Variants in CEP83 observed in about 807,000 individuals in gnomAD.
The protein encoded by CEP83 is centrosomal protein of 83 kDa.
CEP83 carries 70 observed loss-of-function variants against 101.9 expected under a neutral mutation model. The observed-to-expected ratio is 0.69, with a 90% CI of 0.57 to 0.84. The LOEUF (loss-of-function observed/expected upper bound fraction) is 0.84, where lower values mean the gene tolerates loss of function less well. Among genes scored for constraint, CEP83 ranks in the 40% least tolerant of loss-of-function variants. The probability of loss-of-function intolerance (pLI) is 0.00; values close to 1 mark genes in which losing one functional copy is unlikely to be tolerated. For synonymous variants in CEP83, 264 were observed against 267.9 expected (o/e 0.99, Z 0.14); for missense variants, 715 against 787.2 (o/e 0.91, Z 1.10).
chr12:94,324,424 ATTCC>A (rs2058881360), intron 14 of CEP83, among the ~76,000 whole-genome samples: 1 of 152,186 alleles, frequency 6.6e-6, no homozygotes, highest in Middle Eastern at 3.2e-3. Context: ...TTTTTATACT[ATTCC>A]TTTTGTTTTA....
At chr12:94,302,246 A>T (rs1417121079), downstream of CEP83, among the ~76,000 whole-genome samples, 1 of 151,886 alleles carries the variant, frequency 6.6e-6, no homozygotes, top group Non-Finnish European at 1.5e-5. Flanking sequence ...CCACATACCC[A>T]CTGTGCTACA....
chr12:94,313,251 T>G (rs1011571941), intron 14 of CEP83: 2 of 275,618 alleles, frequency 7.3e-6, no homozygotes, highest in Non-Finnish European at 1.3e-5. Context: ...ACAAAAAAAC[T>G]GTTATCAATA....
downstream of CEP83, chr12:94,306,404 C>CATT (rs1969023224): frequency 6.6e-6 from 1 of 152,110 alleles, no homozygotes; most frequent in Non-Finnish European, 1.5e-5. Flanking sequence ...TTAAAATACC[C>CATT]ATTTTATTCA....
intron 14 of CEP83, among the ~76,000 whole-genome samples, chr12:94,315,874 T>A (rs1168725314): frequency 6.6e-6 from 1 of 152,162 alleles, no homozygotes; most frequent in Non-Finnish European, 1.5e-5. Flanking sequence ...TGCCTGTTTA[T>A]CCTTATGCCA....
chr12:94,305,453 C>T, downstream of CEP83: 1 of 583,478 alleles, frequency 1.7e-6, no homozygotes, highest in Non-Finnish European at 3.1e-6. Flanking sequence ...GAAAGCATAC[C>T]AACCCTTGTG....
chr12:94,349,311 GTT>G (rs1692644455), intron 11 of CEP83, among the ~76,000 whole-genome samples: 2 of 148,390 alleles, frequency 1.3e-5, no homozygotes, highest in Admixed American at 1.3e-4. Flanking sequence ...AAGAAAAAAA[GTT>G]TGTAGAATCC....
chr12:94,412,834 G>A (rs1178382611), intron 2 of CEP83, among the ~76,000 whole-genome samples: 5 of 150,500 alleles, frequency 3.3e-5, no homozygotes, highest in Admixed American at 6.6e-5. Flanking sequence ...GATTACAGGC[G>A]CCTGCCACCA....
At chr12:94,436,900 AAG>A (rs1303874131) in intron 1 of CEP83, among the ~76,000 whole-genome samples, 1 of 152,012 alleles carries the variant, frequency 6.6e-6, no homozygotes, top group East Asian at 1.9e-4. Context: ...AAAATGAATA[AAG>A]CCTCCAAGAA....
chr12:94,298,233 A>C, the CEP83 span, among the ~76,000 whole-genome samples: 1 of 152,250 alleles, frequency 6.6e-6, no homozygotes, highest in African/African-American at 2.4e-5. Flanking sequence ...AAATATATGC[A>C]ACAGGAAAAA....
intron 11 of CEP83, among the ~76,000 whole-genome samples, chr12:94,366,717 G>T (rs1303136542): frequency 3.9e-5 from 6 of 152,142 alleles, no homozygotes; most frequent in Admixed American, 2.0e-4. Context: ...AGCATACCTA[G>T]AGTTGAGATT....
At chr12:94,340,538 G>A (rs769159838) in intron 11 of CEP83, among the ~76,000 whole-genome samples, 2 of 151,670 alleles carry the variant, frequency 1.3e-5, no homozygotes, top group Non-Finnish European at 2.9e-5. Flanking sequence ...CCAGGTTCAC[G>A]CAATTCTCCT....
At chr12:94,363,764 C>T (rs2060888901) in intron 11 of CEP83, among the ~76,000 whole-genome samples, 1 of 151,880 alleles carries the variant, frequency 6.6e-6, no homozygotes, top group South Asian at 2.1e-4. Flanking sequence ...GCCTGGCCAA[C>T]ATGGTGAAAC....
intron 11 of CEP83, among the ~76,000 whole-genome samples, chr12:94,362,800 A>G (rs1449222233): frequency 6.6e-6 from 1 of 152,254 alleles, no homozygotes; most frequent in Non-Finnish European, 1.5e-5. Flanking sequence ...GTGCCCATCA[A>G]CGGATGGATA....
chr12:94,438,485 C>G (rs975761497), intron 1 of CEP83, among the ~76,000 whole-genome samples: 3 of 152,134 alleles, frequency 2.0e-5, no homozygotes, highest in African/African-American at 7.2e-5. Flanking sequence ...ATTAGTCCAA[C>G]AGGAAAATAT....
chr12:94,403,880 T>TAA (rs11341038), intron 4 of CEP83, among the ~76,000 whole-genome samples: 13 of 139,808 alleles, frequency 9.3e-5, no homozygotes, highest in South Asian at 2.3e-4. Flanking sequence ...ATACTAGTTG[T>TAA]AAAAAAAAAA....
downstream of CEP83, chr12:94,304,106 TTA>T: frequency 9.0e-7 from 1 of 1,106,382 alleles, no homozygotes; most frequent in Non-Finnish European, 1.3e-6. Context: ...AAGGATGTGG[TTA>T]TAGCATTCTG....
chr12:94,301,942 C>A (rs1176135918), downstream of CEP83, among the ~76,000 whole-genome samples: 1 of 151,950 alleles, frequency 6.6e-6, no homozygotes, highest in Admixed American at 6.6e-5. Context: ...GTCTGTCGCT[C>A]CCTCCTCCTT....
intron 1 of CEP83, among the ~76,000 whole-genome samples, chr12:94,443,048 G>A (rs543793531): frequency 2.4e-4 from 36 of 152,008 alleles, no homozygotes; most frequent in Non-Finnish European, 4.4e-4. Context: ...CATTGCCTTC[G>A]TCACTATAAC....
At chr12:94,273,334 C>T in the CEP83 span, among the ~76,000 whole-genome samples, 1 of 152,276 alleles carries the variant, frequency 6.6e-6, no homozygotes, top group East Asian at 1.9e-4. Context: ...CATACTTCCA[C>T]CCAAAGAAGG....
Sources: gnomAD v4.1 joint callset for allele counts (sites outside exome capture counted in the v4.1 genomes callset) on GRCh38, gnomAD v4.1.1 for gene constraint, MANE v1.5 for transcripts, NCBI Gene and HGNC (gene_info 2026-07-23, HGNC 2026-07-21) for gene names.